POLR1D: variants seen among roughly 807,000 people sequenced by gnomAD.
The protein encoded by POLR1D is RNA polymerase I and III subunit D, also known as DNA-directed RNA polymerases I and III subunit RPAC2.
POLR1D carries 8 observed loss-of-function variants against 10.8 expected under a neutral mutation model. That is an observed-to-expected ratio of 0.74 (90% CI 0.43 to 1.33). The LOEUF (loss-of-function observed/expected upper bound fraction) is 1.33. POLR1D is among the 40% of genes most tolerant of loss of function. The pLI is 0.01. For synonymous variants in POLR1D, 54 were observed against 57.2 expected (o/e 0.94, Z 0.25); for missense variants, 152 against 161.7 (o/e 0.94, Z 0.32).
At chr13:27,631,178 G>A (rs1377604242) in intron 1 of POLR1D, among the ~76,000 whole-genome samples, 1 of 152,134 alleles carries the variant, frequency 6.6e-6, no homozygotes, top group Non-Finnish European at 1.5e-5. Context: ...AGCTTAGCTG[G>A]GTGATTTTGA....
At chr13:27,634,885 G>T (rs1394585257) in intron 1 of POLR1D, among the ~76,000 whole-genome samples, 2 of 151,926 alleles carry the variant, frequency 1.3e-5, no homozygotes, top group African/African-American at 2.4e-5. Flanking sequence ...ATGTTGCCCA[G>T]CCTGGTCTCG....
chr13:27,657,039 G>A (rs552625767), intron 2 of POLR1D, among the ~76,000 whole-genome samples: 183 of 152,264 alleles, frequency 1.2e-3, no homozygotes, highest in African/African-American at 4.1e-3. Context: ...ATGGGACCCC[G>A]TAACGCATAA....
intron 1 of POLR1D, among the ~76,000 whole-genome samples, chr13:27,642,385 G>A (rs1441486803): frequency 1.3e-5 from 2 of 152,058 alleles, no homozygotes; most frequent in African/African-American, 4.8e-5. Context: ...TTGTGCCCCT[G>A]TTTGTTTGGC....
chr13:27,627,730 T>TTTTG (rs1956029541), downstream of POLR1D, among the ~76,000 whole-genome samples: 2 of 111,870 alleles, frequency 1.8e-5, no homozygotes, highest in South Asian at 3.9e-4. Flanking sequence ...AGTTTTAGTT[T>TTTTG]TTTTTTTTTT....
Position 27,665,501 on chromosome 13 carries a change from A to C in POLR1D, c.102-185A>C, listed in dbSNP as rs930098227. 24 of 623,274 alleles carry C rather than the reference A, an allele frequency of 3.9e-5. No homozygotes were observed. The South Asian group carries it at 4.6e-4, about 12-fold the overall frequency. The allele number at this position is 623,274 out of a possible 1,614,324, so 38.6% of individuals were successfully genotyped here. ...AGCCAGTCTTGTCTCAAGAATTCCA[A>C]TCGTCTTTTTTTTTCCTCCCTGGTA... On this transcript the variant is annotated intron_variant, in intron 2 of 2. Transcript: ENST00000399697.
intron 2 of POLR1D, among the ~76,000 whole-genome samples, chr13:27,659,876 G>A (rs1288138665): frequency 1.3e-5 from 2 of 149,796 alleles, no homozygotes; most frequent in Non-Finnish European, 2.9e-5. Context: ...TTGCTACAGT[G>A]CTTAGCATAA....
intron 1 of POLR1D, among the ~76,000 whole-genome samples, chr13:27,630,102 G>A (rs1032876973): frequency 2.6e-5 from 4 of 151,922 alleles, no homozygotes; most frequent in Admixed American, 1.3e-4. Flanking sequence ...TAGTAGAGAC[G>A]GGGTTTCACC....
intron 1 of POLR1D, among the ~76,000 whole-genome samples, chr13:27,646,546 G>T (rs1956222291): frequency 6.6e-6 from 1 of 152,178 alleles, no homozygotes; most frequent in Non-Finnish European, 1.5e-5. Flanking sequence ...ATAGGCAAGC[G>T]CTTTAGTTTT....
intron 1 of POLR1D, among the ~76,000 whole-genome samples, chr13:27,646,741 G>A (rs1566149002): frequency 6.6e-6 from 1 of 152,158 alleles, no homozygotes; most frequent in Non-Finnish European, 1.5e-5. Flanking sequence ...ATAGTATTAG[G>A]AATATGGAGG....
exon 3 of POLR1D, chr13:27,666,233 TAAAC>T: frequency 2.8e-6 from 1 of 362,614 alleles, no homozygotes; most frequent in South Asian, 9.4e-5. Context: ...TGTTTCAAAA[TAAAC>T]ATGTCTAGAA....
chr13:27,630,180 G>A lies in POLR1D; in HGVS notation c.26+8171G>A, dbSNP rs191518672. On this transcript the variant is annotated intron_variant, in intron 1 of 2. Transcript: ENST00000399697. ...CCCGCCTCCGGCTCCCAAAGTGCTG[G>A]AATAGCCAGCCTGATTTTTTTTATC... Among the ~76,000 whole-genome samples the A allele has an allele frequency of 5.3e-5, 8 of 152,220 alleles. No homozygotes were observed. The East Asian group carries it at 1.5e-3, about 29-fold the overall frequency.
chr13:27,662,773 C>G (rs1272883643), intron 2 of POLR1D, among the ~76,000 whole-genome samples: 1 of 152,162 alleles, frequency 6.6e-6, no homozygotes, highest in African/African-American at 2.4e-5. Context: ...AGGCTGTGAA[C>G]CAAAACTGAA....
chr13:27,652,233 A>T (rs973705356), intron 2 of POLR1D, among the ~76,000 whole-genome samples: 5 of 152,218 alleles, frequency 3.3e-5, no homozygotes, highest in African/African-American at 9.6e-5. Flanking sequence ...CCAGCTCTCC[A>T]GATAGACATC....
exon 2 of POLR1D, chr13:27,648,449 G>C (rs1956239163): frequency 6.2e-7 from 1 of 1,604,634 alleles, no homozygotes; most frequent in Non-Finnish European, 8.5e-7. Flanking sequence ...GGGACCCATG[G>C]GTTGGTAAGT....
rs1411951922 is a variant in POLR1D, at chr13:27,622,857, T to TA, written c.27-12dup. Reference sequence around the variant, plus strand: ...AATATTCAGTATGATCTCATTTTTATAAAAAATATGTGTGTAGAAAAATAT... The same window carrying TA: ...AATATTCAGTATGATCTCATTTTTATAAAAAAATATGTGTGTAGAAAAATAT... On this transcript the variant is annotated splice_polypyrimidine_tract_variant and intron_variant, in intron 1 of 1. Coordinates refer to ENST00000302979, the MANE Select transcript of POLR1D (RefSeq NM_015972.4). 1.3e-6 allele frequency: 2 copies of TA among 1,544,812 alleles called. No homozygotes were observed. The highest frequency in any genetic ancestry group is 1.7e-5 in the Admixed American group (1 of 59,718).
At chr13:27,623,648 A>T (rs1255523974), downstream of POLR1D, among the ~76,000 whole-genome samples, 2 of 109,274 alleles carry the variant, frequency 1.8e-5, no homozygotes, top group Non-Finnish European at 4.0e-5. Flanking sequence ...AAAAACCATG[A>T]CCCCAGTTAG....
intron 1 of POLR1D, among the ~76,000 whole-genome samples, chr13:27,638,234 C>T (rs1056898061): frequency 6.6e-6 from 1 of 152,182 alleles, no homozygotes; most frequent in South Asian, 2.1e-4. Flanking sequence ...CTGTGCCTTG[C>T]ACTTAACGGT....
At chr13:27,625,659 T>TAA (rs60864865), downstream of POLR1D, among the ~76,000 whole-genome samples, 1 of 142,010 alleles carries the variant, frequency 7.0e-6, no homozygotes. Flanking sequence ...ATAAATTGAT[T>TAA]AAAAAAAAAA....
At chr13:27,655,634 C>G (rs1956301757) in intron 2 of POLR1D, among the ~76,000 whole-genome samples, 1 of 152,130 alleles carries the variant, frequency 6.6e-6, no homozygotes, top group African/African-American at 2.4e-5. Flanking sequence ...TCAGGTTGCC[C>G]TTGATAAAGC....
Sources: allele counts gnomAD v4.1 joint callset (sites outside exome capture counted in the v4.1 genomes callset), GRCh38; gene constraint gnomAD v4.1.1; transcripts MANE v1.5; gene names NCBI Gene and HGNC (gene_info 2026-07-23, HGNC 2026-07-21).